Variants in KLF15 observed in about 807,000 individuals in gnomAD.
The protein encoded by KLF15 is Krueppel-like factor 15.
A neutral mutation model predicts 24.6 loss-of-function variants in KLF15; 4 were observed. The observed-to-expected ratio is 0.16, with a 90% CI of 0.08 to 0.37. The LOEUF is 0.37. KLF15 is among the 10% of genes least tolerant of loss of function. The pLI is 1.00. For missense variants in KLF15, 496 were observed against 560.6 expected (o/e 0.88, Z 1.16); for synonymous variants, 246 against 236.3 (o/e 1.04, Z -0.37).
intron 1 of KLF15, among the ~76,000 whole-genome samples, chr3:126,355,330 C>T (rs900502452): frequency 3.3e-5 from 5 of 152,222 alleles, no homozygotes; most frequent in Non-Finnish European, 7.3e-5. Context: ...GACAGGTGGC[C>T]CTATCTCCTC....
chr3:126,305,170 C>G, the KLF15 span, among the ~76,000 whole-genome samples: 1 of 152,168 alleles, frequency 6.6e-6, no homozygotes, highest in African/African-American at 2.4e-5. Flanking sequence ...TGAATCTGGT[C>G]CCTGAAATTT....
At chr3:126,329,035 A>C in the KLF15 span, among the ~76,000 whole-genome samples, 1 of 152,146 alleles carries the variant, frequency 6.6e-6, no homozygotes, top group Non-Finnish European at 1.5e-5. Context: ...CTTAAACAGG[A>C]GTTTAAATGG....
At chr3:126,348,717 C>T (rs951815994) in intron 2 of KLF15, among the ~76,000 whole-genome samples, 1 of 152,204 alleles carries the variant, frequency 6.6e-6, no homozygotes, top group South Asian at 2.1e-4. Context: ...CGGATGCCCA[C>T]GCGGGAGCCT....
the KLF15 span, among the ~76,000 whole-genome samples, chr3:126,292,827 G>T: frequency 1.3e-5 from 2 of 151,928 alleles, no homozygotes; most frequent in Admixed American, 1.3e-4. Flanking sequence ...GGCAGAGGAG[G>T]CTGGACCCAG....
the KLF15 span, among the ~76,000 whole-genome samples, chr3:126,301,853 G>A: frequency 1.3e-5 from 2 of 151,860 alleles, no homozygotes; most frequent in African/African-American, 4.8e-5. Flanking sequence ...GACCTTAGGT[G>A]ATCTACCGGC....
At chr3:126,343,924 C>T in intron 2 of KLF15, 29 bp from the exon 3 acceptor site, 1 of 1,543,228 alleles carries the variant, frequency 6.5e-7, no homozygotes, top group Non-Finnish European at 8.7e-7. Flanking sequence ...TCAGCGAGGC[C>T]TGGCCCTGCC....
At chr3:126,305,275 T>C in the KLF15 span, among the ~76,000 whole-genome samples, 1 of 152,238 alleles carries the variant, frequency 6.6e-6, no homozygotes, top group Non-Finnish European at 1.5e-5. Flanking sequence ...GTCACTCATG[T>C]CTGAACTTAT....
chr3:126,338,967 G>A (rs922432938), downstream of KLF15, among the ~76,000 whole-genome samples: 1 of 152,214 alleles, frequency 6.6e-6, no homozygotes, highest in Non-Finnish European at 1.5e-5. Context: ...TGGGTTCTGA[G>A]AACAGCCTGG....
chr3:126,316,809 A>T, the KLF15 span, among the ~76,000 whole-genome samples: 7 of 151,652 alleles, frequency 4.6e-5, no homozygotes, highest in African/African-American at 1.7e-4. Context: ...GGCCTGCCTG[A>T]CTCTTCCTCA....
chr3:126,349,863 G>T (rs2082568489), intron 2 of KLF15, among the ~76,000 whole-genome samples: 1 of 152,194 alleles, frequency 6.6e-6, no homozygotes, highest in African/African-American at 2.4e-5. Flanking sequence ...GGAGTAGGGG[G>T]TCCCTTCACA....
chr3:126,298,557 C>T, the KLF15 span, among the ~76,000 whole-genome samples: 1 of 152,004 alleles, frequency 6.6e-6, no homozygotes, highest in Admixed American at 6.5e-5. Context: ...CCAATGTCTA[C>T]AAGAGTTTTT....
the KLF15 span, among the ~76,000 whole-genome samples, chr3:126,315,567 G>A: frequency 2.6e-5 from 4 of 152,168 alleles, no homozygotes; most frequent in Non-Finnish European, 1.5e-5. Flanking sequence ...GGGGACAGGA[G>A]GAGAGCGGGA....
chr3:126,309,520 A>T, the KLF15 span, among the ~76,000 whole-genome samples: 2 of 152,180 alleles, frequency 1.3e-5, no homozygotes, highest in African/African-American at 4.8e-5. Context: ...ATAGGTGCAG[A>T]TGGTTACATG....
At chr3:126,349,960 T>A (rs538773388) in intron 2 of KLF15, among the ~76,000 whole-genome samples, 1 of 152,186 alleles carries the variant, frequency 6.6e-6, no homozygotes, top group African/African-American at 2.4e-5. Flanking sequence ...ATCCTTATGA[T>A]GTACAAACAA....
At chr3:126,331,621 T>C in the KLF15 span, among the ~76,000 whole-genome samples, 1 of 152,286 alleles carries the variant, frequency 6.6e-6, no homozygotes, top group Admixed American at 6.5e-5. Flanking sequence ...GGAGCCAAGA[T>C]GGCCGAATAG....
chr3:126,305,035 C>T, the KLF15 span, among the ~76,000 whole-genome samples: 1 of 152,140 alleles, frequency 6.6e-6, no homozygotes, highest in Non-Finnish European at 1.5e-5. Context: ...CCTGCAACTT[C>T]CAGAGTGTGT....
At position 126,349,661 on chromosome 3, in the gene KLF15, C is replaced by A. The variant is rs543747634; in HGVS notation, c.1082+2180G>T. 1.8e-4 allele frequency among the ~76,000 whole-genome samples: 28 copies of A among 152,294 alleles called. No individual in the cohort carries two copies. In the East Asian group the frequency reaches 3.5e-3, roughly 19 times the overall value. ...TGGCCTTGGATGAGGACCACACCTG[C>A]CCTCCCCATCACCCTACCCAGCCTC... is the stretch of plus-strand genomic sequence containing the variant. On this transcript the variant is annotated intron_variant, in intron 2 of 2. Transcript: ENST00000296233.
chr3:126,320,580 C>T, the KLF15 span, among the ~76,000 whole-genome samples: 1 of 152,244 alleles, frequency 6.6e-6, no homozygotes, highest in Non-Finnish European at 1.5e-5. Flanking sequence ...AAGTATTGCA[C>T]ATACAGATGC....
chr3:126,305,393 C>A, the KLF15 span, among the ~76,000 whole-genome samples: 1 of 152,136 alleles, frequency 6.6e-6, no homozygotes, highest in Non-Finnish European at 1.5e-5. Flanking sequence ...TTCTGACTTC[C>A]TTAGCCTGTT....
Sources: gnomAD v4.1 joint callset for allele counts (sites outside exome capture counted in the v4.1 genomes callset) on GRCh38, gnomAD v4.1.1 for gene constraint, MANE v1.5 for transcripts, NCBI Gene and HGNC (gene_info 2026-07-23, HGNC 2026-07-21) for gene names.